Variants in PSPC1 observed in about 807,000 individuals in gnomAD.
PSPC1 encodes the protein paraspeckle protein 1.
Under a neutral mutation model 51.6 loss-of-function variants are expected in PSPC1, and 14 were observed. The ratio of observed to expected loss-of-function variants is 0.27; its 90% CI spans 0.18 to 0.42. The LOEUF (loss-of-function observed/expected upper bound fraction) is 0.42, where lower values mean the gene tolerates loss of function less well. PSPC1 is among the 10% of genes least tolerant of loss of function. The pLI, the probability that PSPC1 is intolerant of heterozygous loss-of-function variation, is 1.00. For missense variants in PSPC1, 406 were observed against 701.1 expected (o/e 0.58, Z 4.75); for synonymous variants, 193 against 231.9 (o/e 0.83, Z 1.53).
chr13:19,763,403 G>A (rs1462817384), intron 2 of PSPC1, among the ~76,000 whole-genome samples: 1 of 152,142 alleles, frequency 6.6e-6, no homozygotes, highest in Non-Finnish European at 1.5e-5. Context: ...CAACCATAAT[G>A]TTAAATCTGA....
At chr13:19,673,728 TTCTCTC>T (rs915051286), downstream of PSPC1, among the ~76,000 whole-genome samples, 2 of 152,180 alleles carry the variant, frequency 1.3e-5, no homozygotes, top group Non-Finnish European at 2.9e-5. Flanking sequence ...AGGCGGGGCT[TTCTCTC>T]TAAGATACAA....
intron 3 of PSPC1, among the ~76,000 whole-genome samples, chr13:19,754,929 C>G (rs1207546014): frequency 1.3e-5 from 2 of 151,964 alleles, no homozygotes; most frequent in African/African-American, 2.4e-5. Flanking sequence ...TCACAGGAAC[C>G]CTTTAAAAAA....
chr13:19,778,198 C>T (rs61600758), intron 1 of PSPC1, among the ~76,000 whole-genome samples: 13,176 of 151,510 alleles, frequency 0.087, 1,597 homozygotes, highest in East Asian at 0.63. Flanking sequence ...ACCAAGATCC[C>T]GCCACTGCAC....
chr13:19,763,789 T>C (rs1887802756), intron 2 of PSPC1, among the ~76,000 whole-genome samples: 1 of 152,126 alleles, frequency 6.6e-6, no homozygotes, highest in Non-Finnish European at 1.5e-5. Flanking sequence ...TCACCTGAAG[T>C]TAGGAGTTTG....
At chr13:19,756,345 A>G (rs1192986212) in intron 3 of PSPC1, among the ~76,000 whole-genome samples, 2 of 152,030 alleles carry the variant, frequency 1.3e-5, no homozygotes, top group Non-Finnish European at 2.9e-5. Flanking sequence ...TGCTTTGAGC[A>G]TTTTGTCCAA....
At chr13:19,746,354 A>G (rs1885980265) in intron 4 of PSPC1, among the ~76,000 whole-genome samples, 1 of 151,776 alleles carries the variant, frequency 6.6e-6, no homozygotes, top group Admixed American at 6.6e-5. Flanking sequence ...GCAAGCCGAG[A>G]TTGCGCCACT....
At chr13:19,730,946 G>GGAAA (rs1463819333) in intron 5 of PSPC1, among the ~76,000 whole-genome samples, 31 of 25,250 alleles carry the variant, frequency 1.2e-3, no homozygotes, top group Non-Finnish European at 2.8e-3. Flanking sequence ...CCCTGTCTCA[G>GGAAA]AAAAAAAAAA....
chr13:19,758,782 C>T (rs1388691700), intron 3 of PSPC1, among the ~76,000 whole-genome samples: 1 of 151,692 alleles, frequency 6.6e-6, no homozygotes, highest in Admixed American at 6.6e-5. Flanking sequence ...TTGCAGTGAG[C>T]CGAGTTCACG....
intron 2 of PSPC1, among the ~76,000 whole-genome samples, chr13:19,768,572 C>G (rs1456744205): frequency 6.7e-6 from 1 of 150,268 alleles, no homozygotes; most frequent in Non-Finnish European, 1.5e-5. Context: ...GGCGTGAACC[C>G]GGGAGGCAGA....
At chr13:19,761,337 G>T (rs1051768672) in intron 2 of PSPC1, among the ~76,000 whole-genome samples, 1 of 152,196 alleles carries the variant, frequency 6.6e-6, no homozygotes, top group Non-Finnish European at 1.5e-5. Flanking sequence ...TCATGGAGGG[G>T]AAGAGGAATA....
chr13:19,775,191 A>C (rs1440887029), intron 1 of PSPC1, among the ~76,000 whole-genome samples: 2 of 152,060 alleles, frequency 1.3e-5, no homozygotes, highest in Admixed American at 1.3e-4. Flanking sequence ...ACAAAAAAAA[A>C]CAAAAACAAA....
chr13:19,677,195 T>C (rs1237908375), intron 7 of PSPC1, among the ~76,000 whole-genome samples: 1 of 143,342 alleles, frequency 7.0e-6, no homozygotes, highest in East Asian at 2.0e-4. Flanking sequence ...ATCGTGCCAC[T>C]GCACTCCAGC....
chr13:19,752,339 A>C (rs1886639672), intron 3 of PSPC1, among the ~76,000 whole-genome samples: 1 of 152,192 alleles, frequency 6.6e-6, no homozygotes, highest in Non-Finnish European at 1.5e-5. Context: ...ATATACATTT[A>C]ATATACATTT....
intron 6 of PSPC1, among the ~76,000 whole-genome samples, chr13:19,716,527 T>G (rs1194788138): frequency 1.3e-5 from 2 of 152,206 alleles, no homozygotes; most frequent in East Asian, 3.8e-4. Context: ...AAATTCTTTA[T>G]TGATAAAGAC....
intron 6 of PSPC1, among the ~76,000 whole-genome samples, chr13:19,725,467 T>C (rs1402811597): frequency 6.6e-6 from 1 of 152,190 alleles, no homozygotes; most frequent in African/African-American, 2.4e-5. Flanking sequence ...CCTTCAACTC[T>C]CGGATTCAGA....
At chr13:19,769,690 G>A (rs1236045991) in intron 2 of PSPC1, among the ~76,000 whole-genome samples, 1 of 152,128 alleles carries the variant, frequency 6.6e-6, no homozygotes, top group Non-Finnish European at 1.5e-5. Flanking sequence ...AGCTGAGATC[G>A]CGCCATTGCA....
At chr13:19,768,178 T>C (rs2138271017) in intron 2 of PSPC1, among the ~76,000 whole-genome samples, 1 of 151,668 alleles carries the variant, frequency 6.6e-6, no homozygotes, top group East Asian at 1.9e-4. Context: ...TGAGCCGAGA[T>C]CACTCCACTG....
intron 6 of PSPC1, chr13:19,678,202 A>C: frequency 6.0e-6 from 1 of 165,590 alleles, no homozygotes; most frequent in East Asian, 1.8e-4. Context: ...ACAGCTTGAA[A>C]CCTTGTATTG....
intron 2 of PSPC1, among the ~76,000 whole-genome samples, chr13:19,768,361 G>A (rs75481727): frequency 0.031 from 4,751 of 152,054 alleles, 102 homozygotes; most frequent in South Asian, 0.07. Context: ...AAAATAACAA[G>A]CAGGGGACGG....
Sources: gnomAD v4.1 joint callset for allele counts (sites outside exome capture counted in the v4.1 genomes callset) on GRCh38, gnomAD v4.1.1 for gene constraint, MANE v1.5 for transcripts, NCBI Gene and HGNC (gene_info 2026-07-23, HGNC 2026-07-21) for gene names.